The following BET1L variants were observed in gnomAD, a reference collection of about 807,000 sequenced individuals.
BET1L encodes the protein Bet1 golgi vesicular membrane trafficking protein like.
A neutral mutation model predicts 12.6 loss-of-function variants in BET1L; 13 were observed. That is an observed-to-expected ratio of 1.03 (90% CI 0.67 to 1.64). The LOEUF (loss-of-function observed/expected upper bound fraction) is 1.64. BET1L is among the 40% of genes most tolerant of loss of function. The pLI is 0.00. For synonymous variants in BET1L, 60 were observed against 56.9 expected, an observed-to-expected ratio of 1.05 and a Z score of -0.25; for missense variants, 154 against 150.7, an observed-to-expected ratio of 1.02 and a Z score of -0.11.
In BET1L at chr11:206,048, G is replaced by C. The variant is rs753416700; in HGVS notation, c.20-5C>G. 29 of 1,613,100 alleles carry C rather than the reference G, an allele frequency of 1.8e-5. No homozygotes were observed. The highest frequency in any genetic ancestry group is 2.2e-5 in the Non-Finnish European group (26 of 1,179,804). On this transcript the variant is annotated splice_region_variant and splice_polypyrimidine_tract_variant and intron_variant, in intron 1 of 3. Transcript: ENST00000382762. ...CCACAGCGCCCGGGCTCTGAGCTGA[G>C]AAAAGAGAGGGGCTGAAGGGTTGCA...
In BET1L at chr11:207,377, A is replaced by G. The variant is rs1412869505; in HGVS notation, c.-56T>C. On this transcript the variant is annotated 5_prime_UTR_variant, in exon 1 of 4. Coordinates refer to ENST00000382762, the MANE Select transcript of BET1L (RefSeq NM_001098787.2). ...ACCGACGCGGCCACAGCCGCCTCAG[A>G]CGTGGCGCAGTCGCGGGGAAAGAGC... 1.3e-6 allele frequency: 2 copies of G among 1,510,886 alleles called. No individual in the cohort carries two copies. Among genetic ancestry groups the G allele is most frequent in the Non-Finnish European group, 1.8e-6 (2 of 1,135,502 alleles). 93.6% of individuals were successfully genotyped at this position (1,510,886 alleles called of 1,614,324 possible).
chr11:205,082 T>A lies in BET1L; in HGVS notation c.*220A>T. The A allele has an allele frequency of 3.5e-6, 2 of 570,078 alleles. No individual in the cohort carries two copies. Among genetic ancestry groups the A allele is most frequent in the East Asian group, 3.4e-5 (1 of 29,768 alleles). The allele number at this position is 570,078 out of a possible 1,614,324, so 35.3% of individuals were successfully genotyped here. A position where few individuals can be genotyped will look rare whatever the true frequency, so the allele number is the denominator to read the frequency against. ...TGGGGGAGGGGGGAGGGGCTGGGCCTTGGTTTCCCCGAGAGAGTCCCTTTC... is the reference window on the plus strand; with the variant it reads ...TGGGGGAGGGGGGAGGGGCTGGGCCATGGTTTCCCCGAGAGAGTCCCTTTC... On this transcript the variant is annotated 3_prime_UTR_variant, in exon 4 of 4. Transcript: ENST00000382762.
chr11:205,160 C>T lies in BET1L; in HGVS notation c.*142G>A. 1 of 1,192,074 alleles carries T rather than the reference C, an allele frequency of 8.4e-7. No individual in the cohort carries two copies. The highest frequency in any genetic ancestry group is 1.1e-6 in the Non-Finnish European group (1 of 872,554). The allele number at this position is 1,192,074 out of a possible 1,614,324, so 73.8% of individuals were successfully genotyped here. A position where few individuals can be genotyped will look rare whatever the true frequency, so the allele number is the denominator to read the frequency against. On this transcript the variant is annotated 3_prime_UTR_variant, in exon 4 of 4. Transcript: ENST00000382762. Reference sequence around the variant, plus strand: ...ATCAGGTCACAGGCAGCCGCAGCCTCCTGCCACACAGGAAGAAGATTCCTG... The same window carrying T: ...ATCAGGTCACAGGCAGCCGCAGCCTTCTGCCACACAGGAAGAAGATTCCTG...
In BET1L at chr11:202,992, G is replaced by C. The variant is rs1430978950; in HGVS notation, c.*2310C>G. ...AATGTTTCTCATCCTGAAATTATGG[G>C]ATACAGCCTAGCAGTTTGTCCTCAC... On this transcript the variant is annotated 3_prime_UTR_variant, in exon 4 of 4. Transcript: ENST00000382762. 1 of 152,200 alleles carries C rather than the reference G, an allele frequency of 6.6e-6. No homozygotes were observed. The highest frequency in any genetic ancestry group is 1.5e-5 in the Non-Finnish European group (1 of 68,036). The allele number at this position is 152,200 out of a possible 1,614,324, so 9.4% of individuals were successfully genotyped here. A position where few individuals can be genotyped will look rare whatever the true frequency, so the allele number is the denominator to read the frequency against.
chr11:206,029 C>A lies in BET1L; in HGVS notation c.34G>T (p.Ala12Ser), dbSNP rs562554161. Residue 12 changes from alanine (A) to serine (S), a missense_variant, in exon 2 of 4, where the codon GCT becomes TCT. Coordinates refer to ENST00000382762, the MANE Select transcript of BET1L (RefSeq NM_001098787.2). Reference sequence around the variant, plus strand: ...TCCCGGTCTAGAATCTCTTCCACAGCGCCCGGGCTCTGAGCTGAGAAAAGA... The same window carrying A: ...TCCCGGTCTAGAATCTCTTCCACAGAGCCCGGGCTCTGAGCTGAGAAAAGA... ...ADWARAQSPG[A>S]VEEILDRENK... The A allele has an allele frequency of 5.0e-6, 8 of 1,613,860 alleles. No individual in the cohort carries two copies. Among genetic ancestry groups the A allele is most frequent in the Admixed American group, 1.7e-5 (1 of 60,024 alleles).
chr11:207,079 G>A, intron 1 of BET1L: 3 of 547,876 alleles, frequency 5.5e-6, no homozygotes, highest in Middle Eastern at 4.8e-4. Context: ...GCGACCCCTC[G>A]CTGGAGCTGC....
Position 205,613 on chromosome 11 carries a change from T to C in BET1L, c.166A>G (p.Met56Val), listed in dbSNP as rs1181785822. 2 of 1,613,862 alleles carry C rather than the reference T, an allele frequency of 1.2e-6. No homozygotes were observed. The highest frequency in any genetic ancestry group is 2.2e-5 in the South Asian group (2 of 91,078). Residue 56 changes from methionine to valine, a missense_variant and splice_region_variant, in exon 3 of 4, where the codon ATG becomes GTG. Transcript: ENST00000382762. ...AEDQNRYLDG[M>V]DSDFTSMTSL... ...ACACGCACACCGTGGGCCCTTACCATGCCATCCAGGTACCGGTTCTGATCC... is the reference window on the plus strand; with the variant it reads ...ACACGCACACCGTGGGCCCTTACCACGCCATCCAGGTACCGGTTCTGATCC...
At chr11:206,069 T>C (rs1446496779) in intron 1 of BET1L, 26 bp from the exon 2 acceptor site, 29 of 1,606,102 alleles carry the variant, frequency 1.8e-5, no homozygotes, top group Non-Finnish European at 2.5e-5. Context: ...GGCTGAAGGG[T>C]TGCATCCATC....
intron 1 of BET1L, 96 bp from the exon 2 acceptor site, chr11:206,139 G>A: frequency 9.2e-7 from 1 of 1,083,946 alleles, no homozygotes; most frequent in South Asian, 1.3e-5. Context: ...CAGAAATCTA[G>A]GGGGCCCTAA....
At position 207,397 on chromosome 11, in the gene BET1L, A is replaced by T. The variant is rs980069108; in HGVS notation, c.-76T>A. ...CTCAGACGTGGCGCAGTCGCGGGGA[A>T]AGAGCTTCCGGCCCCGCCCCCAGCT... On this transcript the variant is annotated 5_prime_UTR_variant, in exon 1 of 4. Coordinates refer to ENST00000382762, the MANE Select transcript of BET1L (RefSeq NM_001098787.2). 3 of 1,260,394 alleles carry T rather than the reference A, an allele frequency of 2.4e-6. No homozygotes were observed. Among genetic ancestry groups the T allele is most frequent in the Non-Finnish European group, 3.0e-6 (3 of 1,001,306 alleles). The allele number at this position is 1,260,394 out of a possible 1,614,324, so 78.1% of individuals were successfully genotyped here. A position where few individuals can be genotyped will look rare whatever the true frequency, so the allele number is the denominator to read the frequency against.
Position 203,781 on chromosome 11 carries a change from G to A in BET1L, c.*1521C>T, listed in dbSNP as rs971211827. 1.3e-5 allele frequency: 2 copies of A among 153,192 alleles called. No individual in the cohort carries two copies. The highest frequency in any genetic ancestry group is 2.9e-5 in the Non-Finnish European group (2 of 68,414). The allele number at this position is 153,192 out of a possible 1,614,324, so 9.5% of individuals were successfully genotyped here. ...AAGCCCCAGAGACATGGAGGCAGAT[G>A]AGTCAACCTTGCTGGGTGAGAAGTG... On this transcript the variant is annotated 3_prime_UTR_variant, in exon 4 of 4. Transcript: ENST00000382762.
Position 205,851 on chromosome 11 carries a change from G to A in BET1L, c.111+101C>T, listed in dbSNP as rs147455173. The A allele has an allele frequency of 2.4e-4, 349 of 1,476,162 alleles. 1 individual carries two copies. The African/African-American group carries it at 4.3e-3, about 18-fold the overall frequency. 91.4% of individuals were successfully genotyped at this position (1,476,162 alleles called of 1,614,324 possible). A position where few individuals can be genotyped will look rare whatever the true frequency, so the allele number is the denominator to read the frequency against. On this transcript the variant is annotated intron_variant, in intron 2 of 3. Coordinates refer to ENST00000382762, the MANE Select transcript of BET1L (RefSeq NM_001098787.2). ...TGAGCACAGCCACGAATTGGATGAGGATGGAAAACTGCCTGAAACTCCTCT... is the reference window on the plus strand; with the variant it reads ...TGAGCACAGCCACGAATTGGATGAGAATGGAAAACTGCCTGAAACTCCTCT...
Position 205,602 on chromosome 11 carries a change from G to A in BET1L, c.168+9C>T, listed in dbSNP as rs745339563. On this transcript the variant is annotated intron_variant, in intron 3 of 3. Coordinates refer to ENST00000382762, the MANE Select transcript of BET1L (RefSeq NM_001098787.2). ...AGGGCACTGATACACGCACACCGTG[G>A]GCCCTTACCATGCCATCCAGGTACC... 1.2e-6 allele frequency: 2 copies of A among 1,613,876 alleles called. No individual in the cohort carries two copies. Among genetic ancestry groups the A allele is most frequent in the Non-Finnish European group, 8.5e-7 (1 of 1,179,982 alleles).
intron 1 of BET1L, among the ~76,000 whole-genome samples, chr11:206,829 C>T (rs374857542): frequency 6.6e-6 from 1 of 152,236 alleles, no homozygotes; most frequent in African/African-American, 2.4e-5. Flanking sequence ...CTTTAATCAT[C>T]ATAACACCTC....
Position 205,114 on chromosome 11 carries a change from G to A in BET1L, c.*188C>T. 2.6e-6 allele frequency: 2 copies of A among 755,310 alleles called. No homozygotes were observed. Among genetic ancestry groups the A allele is most frequent in the Non-Finnish European group, 4.1e-6 (2 of 485,812 alleles). 46.8% of individuals were successfully genotyped at this position (755,310 alleles called of 1,614,324 possible). ...CCCCGAGAGAGTCCCTTTCACACAT[G>A]GGACCAGCCAACATGAGCTCATCAG... is the stretch of plus-strand genomic sequence containing the variant. On this transcript the variant is annotated 3_prime_UTR_variant, in exon 4 of 4. Transcript: ENST00000382762.
At chr11:205,589 C>T (rs1482457915) in intron 3 of BET1L, 22 bp downstream of exon 3, 1 of 1,614,050 alleles carries the variant, frequency 6.2e-7, no homozygotes, top group Middle Eastern at 1.6e-4. Context: ...GGCACTGATA[C>T]ACGCACACCG....
chr11:205,172 G>A lies in BET1L; in HGVS notation c.*130C>T. 1 of 1,278,570 alleles carries A rather than the reference G, an allele frequency of 7.8e-7. No individual in the cohort carries two copies. The highest frequency in any genetic ancestry group is 1.6e-5 in the South Asian group (1 of 64,130). 79.2% of individuals were successfully genotyped at this position (1,278,570 alleles called of 1,614,324 possible). ...GCAGCCGCAGCCTCCTGCCACACAG[G>A]AAGAAGATTCCTGACCCACAATTAT... On this transcript the variant is annotated 3_prime_UTR_variant, in exon 4 of 4. Coordinates refer to ENST00000382762, the MANE Select transcript of BET1L (RefSeq NM_001098787.2).
In BET1L at chr11:207,331, C is replaced by T; in HGVS notation, c.-10G>A. 7.3e-7 allele frequency: 1 copy of T among 1,374,786 alleles called. No individual in the cohort carries two copies. Among genetic ancestry groups the T allele is most frequent in the Non-Finnish European group, 9.7e-7 (1 of 1,028,180 alleles). 85.2% of individuals were successfully genotyped at this position (1,374,786 alleles called of 1,614,324 possible). Reference sequence around the variant, plus strand: ...GAGCCCAGTCCGCCATCGTGCCCTGCCCCGGCTCCTCGACGCGGACACCGA... The same window carrying T: ...GAGCCCAGTCCGCCATCGTGCCCTGTCCCGGCTCCTCGACGCGGACACCGA... On this transcript the variant is annotated 5_prime_UTR_variant, in exon 1 of 4. Transcript: ENST00000382762.
Position 205,274 on chromosome 11 carries a change from G to C in BET1L, c.*28C>G. 6.3e-7 allele frequency: 1 copy of C among 1,599,690 alleles called. No homozygotes were observed. On this transcript the variant is annotated 3_prime_UTR_variant, in exon 4 of 4. Coordinates refer to ENST00000382762, the MANE Select transcript of BET1L (RefSeq NM_001098787.2). ...GCAGGGAAGACCCTGGCTGCCCTTG[G>C]CACCCACAGACACCAGCTCCCACTG...
Sources: gnomAD v4.1 joint callset for allele counts (sites outside exome capture counted in the v4.1 genomes callset) on GRCh38, gnomAD v4.1.1 for gene constraint, MANE v1.5 for transcripts, NCBI Gene and HGNC (gene_info 2026-07-23, HGNC 2026-07-21) for gene names.